The following CAMTA1 variants were observed in gnomAD, a reference collection of about 807,000 sequenced individuals.
The protein encoded by CAMTA1 is calmodulin binding transcription activator 1.
Under a neutral mutation model 170.9 loss-of-function variants are expected in CAMTA1, and 27 were observed. The observed-to-expected ratio is 0.16, with a 90% confidence interval of 0.12 to 0.22. The LOEUF is 0.22. Ranked by LOEUF, CAMTA1 falls within the 10% of genes least tolerant of loss-of-function variation. CAMTA1 has a pLI of 1.00. For missense variants in CAMTA1, 1,619 were observed against 2,217.2 expected (o/e 0.73, Z 5.42); for synonymous variants, 833 against 891.5 (o/e 0.93, Z 1.17).
At chr1:7,103,858 C>CAA (rs1643182118) in intron 4 of CAMTA1, among the ~76,000 whole-genome samples, 1 of 148,862 alleles carries the variant, frequency 6.7e-6, no homozygotes, top group Non-Finnish European at 1.5e-5. Flanking sequence ...ACACAACACA[C>CAA]ATACACACAC....
chr1:6,880,383 G>GTTTTTTTTTTTTTTTTTTTT (rs34745856), intron 3 of CAMTA1, among the ~76,000 whole-genome samples: 1 of 67,194 alleles, frequency 1.5e-5, no homozygotes, highest in African/African-American at 6.1e-5. Context: ...CTCTAAAAGT[G>GTTTTTTTTTTTTTTTTTTTT]TTTTTTTTTT....
chr1:7,340,544 G>GCCTCCCTCCCTACCTCCCTC (rs772743867), intron 5 of CAMTA1, among the ~76,000 whole-genome samples: 1 of 105,426 alleles, frequency 9.5e-6, no homozygotes, highest in African/African-American at 4.0e-5. Context: ...CTGCCTGCCT[G>GCCTCCCTCCCTACCTCCCTC]CCTGCCTGCC....
intron 6 of CAMTA1, among the ~76,000 whole-genome samples, chr1:7,509,616 G>T (rs955700698): frequency 6.6e-6 from 1 of 152,284 alleles, no homozygotes; most frequent in East Asian, 1.9e-4. Context: ...ATTTTAGGTG[G>T]TGTCAGAGTT....
chr1:7,740,533 A>G, intron 16 of CAMTA1, among the ~76,000 whole-genome samples: 1 of 152,254 alleles, frequency 6.6e-6, no homozygotes, highest in Non-Finnish European at 1.5e-5. Flanking sequence ...AGGGGAACCA[A>G]CTGAGCATCG....
At chr1:7,231,350 T>TGTGTGTGAGA (rs112268253) in intron 4 of CAMTA1, among the ~76,000 whole-genome samples, 1 of 141,192 alleles carries the variant, frequency 7.1e-6, no homozygotes, top group East Asian at 2.2e-4. Context: ...TGTGTGTGTG[T>TGTGTGTGAGA]GAGAGAGAGA....
intron 3 of CAMTA1, among the ~76,000 whole-genome samples, chr1:6,926,470 T>TTCTTTC (rs1683218973): frequency 6.9e-6 from 1 of 145,214 alleles, no homozygotes; most frequent in Non-Finnish European, 1.5e-5. Flanking sequence ...CTTTCTTTCT[T>TTCTTTC]TCTTTCTTTC....
chr1:6,917,993 T>C (rs1055386021), intron 3 of CAMTA1, among the ~76,000 whole-genome samples: 2 of 152,124 alleles, frequency 1.3e-5, no homozygotes, highest in African/African-American at 4.8e-5. Context: ...GTGTCCATGC[T>C]GTCTGGGACC....
intron 6 of CAMTA1, among the ~76,000 whole-genome samples, chr1:7,545,952 C>A (rs1575936183): frequency 7.4e-6 from 1 of 135,832 alleles, no homozygotes; most frequent in African/African-American, 2.8e-5. Context: ...GTTTTCTTTT[C>A]TTTTCTTTTT....
intron 1 of CAMTA1, among the ~76,000 whole-genome samples, chr1:6,793,641 A>G (rs938091887): frequency 6.6e-6 from 1 of 152,230 alleles, no homozygotes; most frequent in African/African-American, 2.4e-5. Context: ...TACAGTGTGC[A>G]TTCAACAAGG....
In CAMTA1 at chr1:7,337,204, C is replaced by A. The variant is rs74052681; in HGVS notation, c.438+87578C>A. On this transcript the variant is annotated intron_variant, in intron 5 of 22. Coordinates refer to ENST00000303635, the MANE Select transcript of CAMTA1 (RefSeq NM_015215.4). ...GAGCCAGTCCATCAATACCTATCAC[C>A]TTGTGAGGGGGACGGGGACTAAGGA... Among the ~76,000 whole-genome samples, 184 of 152,316 alleles carry A rather than the reference C, an allele frequency of 1.2e-3. 1 individual carries two copies. Among genetic ancestry groups the A allele is most frequent in the African/African-American group, 4.3e-3 (180 of 41,566 alleles).
rs1297998165 is a variant in CAMTA1 at position 7,634,137 on chromosome 1, T to C, written c.511-6263T>C. Reference sequence around the variant, plus strand: ...CGCCTGCTGCTGTTTGAAGGGTGGGTTGGGGAAGGGAGGAGCAGACGTGAG... The same window carrying C: ...CGCCTGCTGCTGTTTGAAGGGTGGGCTGGGGAAGGGAGGAGCAGACGTGAG... On this transcript the variant is annotated intron_variant, in intron 6 of 22. Coordinates refer to ENST00000303635, the MANE Select transcript of CAMTA1 (RefSeq NM_015215.4). This position sits in a 1 kb window ranked among gnomAD's most constrained non-coding sequence, Gnocchi z 6.2. Among the ~76,000 whole-genome samples, 1 of 151,412 alleles carries C rather than the reference T, an allele frequency of 6.6e-6. No individual in the cohort carries two copies. The highest frequency in any genetic ancestry group is 1.5e-5 in the Non-Finnish European group (1 of 67,884).
intron 3 of CAMTA1, among the ~76,000 whole-genome samples, chr1:6,875,431 C>T (rs772406681): frequency 1.6e-4 from 25 of 152,022 alleles, no homozygotes; most frequent in Non-Finnish European, 3.1e-4. Flanking sequence ...TACAGGCGCC[C>T]GCGACCACAC....
At chr1:7,247,924 C>T (rs1025844625) in intron 4 of CAMTA1, among the ~76,000 whole-genome samples, 1 of 152,138 alleles carries the variant, frequency 6.6e-6, no homozygotes, top group Non-Finnish European at 1.5e-5. Flanking sequence ...GTGACAAGCG[C>T]GTGGAGCCAT....
intron 4 of CAMTA1, among the ~76,000 whole-genome samples, chr1:7,199,178 A>G (rs1437353522): frequency 6.6e-6 from 1 of 152,058 alleles, no homozygotes. Context: ...TCCTGTTCAG[A>G]GGACAGGCGA....
intron 21 of CAMTA1, among the ~76,000 whole-genome samples, chr1:7,755,188 G>A (rs139347174): frequency 1.3e-5 from 2 of 151,918 alleles, no homozygotes; most frequent in African/African-American, 2.4e-5. Flanking sequence ...TTAGCTGGGC[G>A]TGGTGGTACG....
At chr1:7,714,798 A>G (rs2096596891) in intron 11 of CAMTA1, among the ~76,000 whole-genome samples, 1 of 152,176 alleles carries the variant, frequency 6.6e-6, no homozygotes, top group South Asian at 2.1e-4. Context: ...CTGGGATTAC[A>G]GGTGTGAGCC....
chr1:7,716,320 T>C (rs1304619281), intron 11 of CAMTA1, among the ~76,000 whole-genome samples: 2 of 152,200 alleles, frequency 1.3e-5, no homozygotes, highest in Admixed American at 6.5e-5. Flanking sequence ...CATGAGACAC[T>C]GTGCCCAGCT....
chr1:6,916,050 C>A (rs1052052828), intron 3 of CAMTA1, among the ~76,000 whole-genome samples: 1 of 152,132 alleles, frequency 6.6e-6, no homozygotes, highest in Non-Finnish European at 1.5e-5. Context: ...GTGCTGTTCG[C>A]GGTCTGTTCC....
chr1:7,294,879 C>T (rs1673694563), intron 5 of CAMTA1, among the ~76,000 whole-genome samples: 1 of 152,194 alleles, frequency 6.6e-6, no homozygotes, highest in Admixed American at 6.5e-5. Context: ...CAAGTGTGTC[C>T]CTGGTTCTCC....
Sources: allele counts gnomAD v4.1 joint callset (sites outside exome capture counted in the v4.1 genomes callset), GRCh38; gene constraint gnomAD v4.1.1; non-coding constraint Gnocchi (gnomAD v3.1); transcripts MANE v1.5; gene names NCBI Gene and HGNC (gene_info 2026-07-23, HGNC 2026-07-21).